The following KDM2A variants were observed in gnomAD, a reference collection of about 807,000 sequenced individuals.
KDM2A encodes lysine-specific demethylase 2A.
In KDM2A, 3 loss-of-function variants were observed where a neutral mutation model predicts 137.3. The ratio of observed to expected loss-of-function variants is 0.02; its 90% CI spans 0.01 to 0.06. The LOEUF is 0.06. Among genes scored for constraint, KDM2A ranks in the 10% least tolerant of loss-of-function variants. The pLI, the probability that KDM2A is intolerant of heterozygous loss-of-function variation, is 1.00. For missense variants in KDM2A, 738 were observed against 1,510.6 expected (o/e 0.49, Z 8.48); for synonymous variants, 512 against 541.5 (o/e 0.95, Z 0.76).
chr11:67,236,678 CCT>C (rs1858881020), intron 12 of KDM2A, among the ~76,000 whole-genome samples: 1 of 152,072 alleles, frequency 6.6e-6, no homozygotes, highest in African/African-American at 2.4e-5. Context: ...TTTATGGAAA[CCT>C]ATTTTCTCCT....
At chr11:67,148,509 C>T (rs537293489) in intron 2 of KDM2A, among the ~76,000 whole-genome samples, 2 of 152,036 alleles carry the variant, frequency 1.3e-5, no homozygotes, top group South Asian at 4.1e-4. Context: ...CCATCAGAAA[C>T]AAGTAATCCG....
chr11:67,122,935 A>G (rs1305160423), intron 2 of KDM2A, among the ~76,000 whole-genome samples: 5 of 151,964 alleles, frequency 3.3e-5, no homozygotes, highest in African/African-American at 9.7e-5. Context: ...TCGGCCACCC[A>G]AAGTGCTGGG....
intron 11 of KDM2A, among the ~76,000 whole-genome samples, 185 bp from the exon 12 acceptor site, chr11:67,231,381 G>A (rs1330165991): frequency 6.6e-6 from 1 of 152,120 alleles, no homozygotes; most frequent in Admixed American, 6.6e-5. Flanking sequence ...TCAGGATCCT[G>A]TTTCTACCTG....
chr11:67,213,076 C>T (rs1197357004), intron 6 of KDM2A, among the ~76,000 whole-genome samples: 1 of 152,154 alleles, frequency 6.6e-6, no homozygotes, highest in Non-Finnish European at 1.5e-5. Flanking sequence ...TAACCTTAAC[C>T]GTTGCTCCTC....
intron 2 of KDM2A, among the ~76,000 whole-genome samples, chr11:67,125,675 A>T (rs1331084735): frequency 6.6e-6 from 1 of 151,592 alleles, no homozygotes; most frequent in Admixed American, 6.6e-5. Context: ...GCTACTTGGG[A>T]GGCTGAGGCA....
At chr11:67,227,490 G>A (rs955419682) in intron 10 of KDM2A, among the ~76,000 whole-genome samples, 2 of 151,730 alleles carry the variant, frequency 1.3e-5, no homozygotes, top group African/African-American at 4.8e-5. Flanking sequence ...TCCCAGAACC[G>A]AAACTTTCAT....
intron 2 of KDM2A, among the ~76,000 whole-genome samples, chr11:67,137,804 G>A (rs1037896160): frequency 2.0e-5 from 3 of 152,030 alleles, no homozygotes; most frequent in African/African-American, 7.2e-5. Flanking sequence ...CATATGATTG[G>A]GTCTTTTTTT....
At chr11:67,199,580 G>A (rs1857566768) in intron 5 of KDM2A, among the ~76,000 whole-genome samples, 1 of 152,222 alleles carries the variant, frequency 6.6e-6, no homozygotes, top group African/African-American at 2.4e-5. Flanking sequence ...CTAAGCCACA[G>A]TAAAGCCCTG....
At chr11:67,248,775 G>C (rs1343456030) in intron 16 of KDM2A, among the ~76,000 whole-genome samples, 1 of 152,204 alleles carries the variant, frequency 6.6e-6, no homozygotes, top group African/African-American at 2.4e-5. Flanking sequence ...CAGTTAAGCA[G>C]GTTCACATTT....
chr11:67,179,059 T>A (rs1448559107), intron 2 of KDM2A, among the ~76,000 whole-genome samples: 1 of 152,162 alleles, frequency 6.6e-6, no homozygotes, highest in East Asian at 1.9e-4. Context: ...CATCAGCACT[T>A]GTTATTGTTT....
At chr11:67,238,299 C>T (rs548090234) in intron 12 of KDM2A, among the ~76,000 whole-genome samples, 1 of 152,232 alleles carries the variant, frequency 6.6e-6, no homozygotes, top group East Asian at 1.9e-4. Context: ...CTAGAATTTG[C>T]ACTTGCTGCA....
At chr11:67,240,769 T>G (rs2136441583) in intron 12 of KDM2A, among the ~76,000 whole-genome samples, 1 of 152,324 alleles carries the variant, frequency 6.6e-6, no homozygotes, top group South Asian at 2.1e-4. Flanking sequence ...TGGTTTCTTG[T>G]AGGGCCTCAG....
At chr11:67,242,278 A>G (rs12284313) in intron 12 of KDM2A, among the ~76,000 whole-genome samples, 7 of 148,194 alleles carry the variant, frequency 4.7e-5, no homozygotes, top group African/African-American at 5.0e-5. Flanking sequence ...GGGTGTGTGT[A>G]TGTGTGTGTG....
intron 12 of KDM2A, among the ~76,000 whole-genome samples, chr11:67,232,473 CA>C (rs1337750432): frequency 5.3e-5 from 8 of 152,090 alleles, no homozygotes; most frequent in Non-Finnish European, 1.2e-4. Flanking sequence ...ATTGCTTTAT[CA>C]AGTTTTATGT....
chr11:67,132,468 A>G (rs1364923023), intron 2 of KDM2A, among the ~76,000 whole-genome samples: 2 of 152,068 alleles, frequency 1.3e-5, no homozygotes, highest in Admixed American at 6.6e-5. Flanking sequence ...TATTTTTAGT[A>G]GAGACGGGGT....
intron 2 of KDM2A, among the ~76,000 whole-genome samples, chr11:67,139,402 G>A (rs1396447547): frequency 2.6e-5 from 4 of 152,026 alleles, no homozygotes; most frequent in East Asian, 1.9e-4. Context: ...CCACCACCAC[G>A]CCCAGCACAT....
chr11:67,254,438 C>A lies in KDM2A; in HGVS notation c.3307+20C>A. ...TGGCAGGTATGCCGCTACAGTTGTT[C>A]ATAATCAGCGGTGCCCCCTGCCTCC... On this transcript the variant is annotated intron_variant, in intron 20 of 20. Coordinates refer to ENST00000529006, the MANE Select transcript of KDM2A (RefSeq NM_012308.3). The surrounding 1 kb of genome is among the most constrained non-coding windows in gnomAD (Gnocchi z 4.7). 1 of 1,607,028 alleles carries A rather than the reference C, an allele frequency of 6.2e-7. No individual in the cohort carries two copies. The highest frequency in any genetic ancestry group is 1.1e-5 in the South Asian group (1 of 90,940).
chr11:67,170,221 G>A (rs1023546196), intron 2 of KDM2A, among the ~76,000 whole-genome samples: 1 of 152,006 alleles, frequency 6.6e-6, no homozygotes, highest in African/African-American at 2.4e-5. Context: ...CAGAATAGTT[G>A]AACAACCAGT....
chr11:67,242,677 T>C (rs1859083321), intron 12 of KDM2A, among the ~76,000 whole-genome samples: 1 of 152,058 alleles, frequency 6.6e-6, no homozygotes, highest in African/African-American at 2.4e-5. Flanking sequence ...ACCACCACCA[T>C]CCGCCCCCAG....
Sources: allele counts gnomAD v4.1 joint callset (sites outside exome capture counted in the v4.1 genomes callset), GRCh38; gene constraint gnomAD v4.1.1; non-coding constraint Gnocchi (gnomAD v3.1); transcripts MANE v1.5; gene names NCBI Gene and HGNC (gene_info 2026-07-23, HGNC 2026-07-21).